Variants in CCND3 observed in about 807,000 individuals in gnomAD.
CCND3 encodes cyclin D3, also known as G1/S-specific cyclin-D3.
A neutral mutation model predicts 28.7 loss-of-function variants in CCND3; 9 were observed. That is an observed-to-expected ratio of 0.31 (90% CI 0.19 to 0.55). The LOEUF is 0.55. Ranked by LOEUF, CCND3 falls within the 20% of genes least tolerant of loss-of-function variation. The pLI, the probability that CCND3 is intolerant of heterozygous loss-of-function variation, is 0.93. For synonymous variants in CCND3, 164 were observed against 163.9 expected, an observed-to-expected ratio of 1.00 and a Z score of 0.00; for missense variants, 315 against 385.8, an observed-to-expected ratio of 0.82 and a Z score of 1.54.
chr6:42,002,219 G>A (rs753626071), intron 1 of CCND3, among the ~76,000 whole-genome samples: 5 of 151,996 alleles, frequency 3.3e-5, no homozygotes, highest in East Asian at 1.9e-4. Context: ...GCCGAGGTGG[G>A]CGGATCACTT....
At chr6:41,949,509 G>GA (rs1776252310) in intron 1 of CCND3, among the ~76,000 whole-genome samples, 1 of 151,476 alleles carries the variant, frequency 6.6e-6, no homozygotes, top group African/African-American at 2.4e-5. Context: ...TGTCTCAAAA[G>GA]AAAAGAAATT....
chr6:41,979,764 A>C (rs956989564), intron 1 of CCND3, among the ~76,000 whole-genome samples: 1 of 151,456 alleles, frequency 6.6e-6, no homozygotes, highest in Admixed American at 6.6e-5. Flanking sequence ...ACTCCTGTGG[A>C]GTCTGTCTGG....
At chr6:42,011,074 G>GTGAATGAATGAATGAA (rs35481277) in intron 1 of CCND3, 4 of 150,430 alleles carry the variant, frequency 2.7e-5, no homozygotes, top group South Asian at 4.2e-4. Flanking sequence ...ACAACTGGTA[G>GTGAATGAATGAATGAA]TGAATGAATG....
At chr6:41,942,351 A>C (rs747050757), upstream of CCND3, among the ~76,000 whole-genome samples, 1 of 152,212 alleles carries the variant, frequency 6.6e-6, no homozygotes, top group East Asian at 1.9e-4. Flanking sequence ...TTGCTAGTTA[A>C]ACTGTGATCC....
At chr6:41,990,665 T>A (rs1250340602) in intron 1 of CCND3, among the ~76,000 whole-genome samples, 2 of 456 alleles carry the variant, frequency 4.4e-3, no homozygotes. Context: ...AACTGATTTT[T>A]TTTTTTTTTT....
intron 1 of CCND3, among the ~76,000 whole-genome samples, chr6:41,979,440 A>C (rs1162054761): frequency 6.6e-6 from 1 of 150,636 alleles, no homozygotes; most frequent in Non-Finnish European, 1.5e-5. Context: ...AGGCTGAGGC[A>C]GGAGAATGGC....
Position 41,940,444 on chromosome 6 carries a change from G to C in CCND3, c.340C>G (p.Arg114Gly). 6.2e-7 allele frequency: 1 copy of C among 1,614,110 alleles called. No homozygotes were observed. Among genetic ancestry groups the C allele is most frequent in the Non-Finnish European group, 8.5e-7 (1 of 1,180,020 alleles). ...TCGATGGTCAGGGGCGTGGTCTCGC[G>C]CAGCTTGGAGGCCAGCAGCATGCAG... ...AVCMLLASKL[R>G]ETTPLTIEKL... The change falls in exon 2 of 5, where the codon CGC becomes GGC. Residue 114 changes from arginine (R) to glycine (G), a missense_variant. Coordinates refer to ENST00000372991, the MANE Select transcript of CCND3 (RefSeq NM_001760.5).
chr6:41,955,832 G>A (rs1159050404), intron 1 of CCND3, among the ~76,000 whole-genome samples: 1 of 151,978 alleles, frequency 6.6e-6, no homozygotes, highest in Non-Finnish European at 1.5e-5. Flanking sequence ...CATGCCTGCA[G>A]TCTCAGCTAC....
Position 41,936,406 on chromosome 6 carries a change from A to G in CCND3, c.711+153T>C. On this transcript the variant is annotated intron_variant, in intron 4 of 4. Coordinates refer to ENST00000372991, the MANE Select transcript of CCND3 (RefSeq NM_001760.5). This position sits in a 1 kb window ranked among gnomAD's most constrained non-coding sequence, Gnocchi z 4.4. ...ACCCAAGATACTTGCTCTTCCCCAGACCAAGGCAGGAGATAAAAAGCCACA... is the reference window on the plus strand; with the variant it reads ...ACCCAAGATACTTGCTCTTCCCCAGGCCAAGGCAGGAGATAAAAAGCCACA... 1 of 912,746 alleles carries G rather than the reference A, an allele frequency of 1.1e-6. No homozygotes were observed. Among genetic ancestry groups the G allele is most frequent in the South Asian group, 1.7e-5 (1 of 60,118 alleles). 56.5% of individuals were successfully genotyped at this position (912,746 alleles called of 1,614,324 possible).
chr6:41,951,698 A>T (rs1016612696), intron 1 of CCND3, among the ~76,000 whole-genome samples: 1 of 151,982 alleles, frequency 6.6e-6, no homozygotes, highest in Non-Finnish European at 1.5e-5. Flanking sequence ...CTGATAGCAC[A>T]CCAGAGCAAT....
chr6:41,974,879 G>C (rs566105252), intron 1 of CCND3, among the ~76,000 whole-genome samples: 1 of 139,370 alleles, frequency 7.2e-6, no homozygotes, highest in African/African-American at 2.7e-5. Flanking sequence ...TGCAACCTCC[G>C]CCTCCCAGGT....
chr6:42,009,776 C>T (rs1445993221), intron 1 of CCND3, among the ~76,000 whole-genome samples: 1 of 152,074 alleles, frequency 6.6e-6, no homozygotes, highest in East Asian at 1.9e-4. Context: ...CACTGAACTC[C>T]AGCCTAGGTG....
rs1428192087 is a variant in CCND3, at chr6:41,941,034, C to A, written c.198+418G>T. On this transcript the variant is annotated intron_variant, in intron 1 of 4. Transcript: ENST00000372991. The surrounding 1 kb of genome is among the most constrained non-coding windows in gnomAD (Gnocchi z 6.1). The stretch of plus-strand genomic sequence containing the variant: ...GGCCGGAACAGGGCGCGCGCCACCC[C>A]CATCGCCTTCCCCGCCAGAACCCCG... 1 of 1,604,920 alleles carries A rather than the reference C, an allele frequency of 6.2e-7. No homozygotes were observed. The highest frequency in any genetic ancestry group is 8.5e-7 in the Non-Finnish European group (1 of 1,174,956).
At chr6:42,009,266 A>C (rs1326858665) in intron 1 of CCND3, among the ~76,000 whole-genome samples, 1 of 152,180 alleles carries the variant, frequency 6.6e-6, no homozygotes, top group African/African-American at 2.4e-5. Context: ...GCCTGAGCCC[A>C]GGAGTTCAAG....
intron 1 of CCND3, among the ~76,000 whole-genome samples, chr6:42,021,554 G>A (rs1470793804): frequency 6.6e-6 from 1 of 152,190 alleles, no homozygotes; most frequent in Non-Finnish European, 1.5e-5. Context: ...ACAATAATAG[G>A]TGTTGTTATC....
chr6:41,990,193 A>G (rs1183845734), intron 1 of CCND3, among the ~76,000 whole-genome samples: 3 of 152,080 alleles, frequency 2.0e-5, no homozygotes, highest in South Asian at 2.1e-4. Context: ...ATGCAATTCC[A>G]TTATAATAGC....
intron 1 of CCND3, among the ~76,000 whole-genome samples, chr6:42,009,608 G>A (rs957736074): frequency 3.9e-5 from 5 of 129,188 alleles, no homozygotes; most frequent in Admixed American, 8.3e-5. Context: ...CCGAAACTCC[G>A]TTTCAAAACA....
intron 1 of CCND3, among the ~76,000 whole-genome samples, chr6:41,954,183 G>A (rs1198257561): frequency 4.8e-5 from 7 of 145,150 alleles, no homozygotes; most frequent in South Asian, 2.2e-4. Flanking sequence ...CCTGGGAGGC[G>A]GAGGTTGTGG....
In CCND3 at chr6:41,936,158, G is replaced by A. The variant is rs1235479235; in HGVS notation, c.712-51C>T. On this transcript the variant is annotated intron_variant, in intron 4 of 4. Transcript: ENST00000372991. This position sits in a 1 kb window ranked among gnomAD's most constrained non-coding sequence, Gnocchi z 4.4. ...AGCAAACACTCCCCCCATAGCATCTGGCAGCAGGTGCAGGGGAAGGACAGC... is the reference window on the plus strand; with the variant it reads ...AGCAAACACTCCCCCCATAGCATCTAGCAGCAGGTGCAGGGGAAGGACAGC... 13 of 1,519,390 alleles carry A rather than the reference G, an allele frequency of 8.6e-6. No individual in the cohort carries two copies. The highest frequency in any genetic ancestry group is 4.2e-5 in the Admixed American group (2 of 47,364). 94.1% of individuals were successfully genotyped at this position (1,519,390 alleles called of 1,614,324 possible).
Sources: gnomAD v4.1 joint callset for allele counts (sites outside exome capture counted in the v4.1 genomes callset) on GRCh38, gnomAD v4.1.1 for gene constraint, Gnocchi (gnomAD v3.1) non-coding constraint, MANE v1.5 for transcripts, NCBI Gene and HGNC (gene_info 2026-07-23, HGNC 2026-07-21) for gene names.